Variants in KLF12 observed in about 807,000 individuals in gnomAD.
KLF12 encodes Krueppel-like factor 12.
In KLF12, 9 loss-of-function variants were observed where a neutral mutation model predicts 37.8. The ratio of observed to expected loss-of-function variants is 0.24; its 90% confidence interval spans 0.14 to 0.42. The LOEUF (loss-of-function observed/expected upper bound fraction) is 0.42, where lower values mean the gene tolerates loss of function less well. Ranked by LOEUF, KLF12 falls within the 10% of genes least tolerant of loss-of-function variation. The probability of loss-of-function intolerance (pLI) is 1.00; values close to 1 mark genes in which losing one functional copy is unlikely to be tolerated. For missense variants in KLF12, 411 were observed against 516.0 expected, an observed-to-expected ratio of 0.80 and a Z score of 1.97; for synonymous variants, 208 against 202.1, an observed-to-expected ratio of 1.03 and a Z score of -0.25.
the KLF12 span, among the ~76,000 whole-genome samples, chr13:74,266,138 T>A: frequency 1.3e-5 from 2 of 152,184 alleles, no homozygotes; most frequent in Non-Finnish European, 2.9e-5. Context: ...CAACTCTACC[T>A]GGCAGCCCAT....
At chr13:74,001,528 T>A (rs1892282131) in intron 1 of KLF12, among the ~76,000 whole-genome samples, 1 of 152,150 alleles carries the variant, frequency 6.6e-6, no homozygotes, top group African/African-American at 2.4e-5. Context: ...TATGACACAA[T>A]CAAGAAAAAA....
intron 3 of KLF12, among the ~76,000 whole-genome samples, chr13:73,936,812 C>T (rs546394316): frequency 6.6e-6 from 1 of 152,278 alleles, no homozygotes; most frequent in Non-Finnish European, 1.5e-5. Context: ...CTTATTTCAT[C>T]TGAGTTTCTA....
chr13:73,855,444 G>A (rs935530231), intron 3 of KLF12, among the ~76,000 whole-genome samples: 8 of 152,150 alleles, frequency 5.3e-5, no homozygotes, highest in African/African-American at 1.9e-4. Flanking sequence ...GTGTGTGGCT[G>A]CATAGTATTC....
intron 6 of KLF12, among the ~76,000 whole-genome samples, chr13:73,740,318 T>C (rs1877880384): frequency 6.6e-6 from 1 of 152,110 alleles, no homozygotes; most frequent in Non-Finnish European, 1.5e-5. Context: ...AGACACTGAA[T>C]CTTTAGGTAC....
the KLF12 span, among the ~76,000 whole-genome samples, chr13:74,301,861 C>T: frequency 2.6e-5 from 4 of 152,138 alleles, no homozygotes; most frequent in African/African-American, 4.8e-5. Flanking sequence ...GTTCCCCCTA[C>T]CTGAGCTGCC....
intron 1 of KLF12, among the ~76,000 whole-genome samples, chr13:74,073,519 G>T (rs1255819949): frequency 4.6e-5 from 7 of 152,124 alleles, no homozygotes; most frequent in African/African-American, 1.7e-4. Flanking sequence ...TTTGAGTTCA[G>T]CTGCACCAGC....
In KLF12 at chr13:73,788,748, TTAAG is replaced by T. The variant is rs541670121; in HGVS notation, c.807-23752_807-23749del. 3.4e-3 allele frequency among the ~76,000 whole-genome samples: 520 copies of T among 152,306 alleles called. 3 individuals are homozygous for T. The highest frequency in any genetic ancestry group is 6.1e-3 in the Non-Finnish European group (417 of 68,024). ...TCAATTTTATACATTAAATTTCAAA[TTAAG>T]TAAGTAGCTAGACAAACGGGACTCC... On this transcript the variant is annotated intron_variant, in intron 5 of 7. Transcript: ENST00000377669.
the KLF12 span, among the ~76,000 whole-genome samples, chr13:74,196,887 C>A: frequency 2.6e-5 from 4 of 152,040 alleles, no homozygotes; most frequent in African/African-American, 9.7e-5. Context: ...GTTTCTACAT[C>A]TTTTTTATTA....
chr13:74,259,537 A>G, the KLF12 span: 1 of 152,196 alleles, frequency 6.6e-6, no homozygotes, highest in African/African-American at 2.4e-5. Context: ...CACAGAAAAC[A>G]TAGTTAATCC....
intron 3 of KLF12, among the ~76,000 whole-genome samples, chr13:73,901,705 A>C (rs755526456): frequency 2.6e-5 from 4 of 152,208 alleles, no homozygotes; most frequent in Admixed American, 6.5e-5. Flanking sequence ...AAAGATCAGC[A>C]AAGAATTCTC....
chr13:74,261,983 C>T, the KLF12 span, among the ~76,000 whole-genome samples: 2 of 152,178 alleles, frequency 1.3e-5, no homozygotes, highest in African/African-American at 4.8e-5. Context: ...GCTGTGCTGT[C>T]CCGAGCTGAG....
chr13:73,725,154 GC>G (rs1876566445), intron 6 of KLF12, among the ~76,000 whole-genome samples: 1 of 152,126 alleles, frequency 6.6e-6, no homozygotes, highest in South Asian at 2.1e-4. Flanking sequence ...AAGCTGGAGT[GC>G]AGTGGTGCAA....
the KLF12 span, among the ~76,000 whole-genome samples, chr13:74,292,799 T>G: frequency 6.6e-6 from 1 of 152,202 alleles, no homozygotes; most frequent in Admixed American, 6.5e-5. Flanking sequence ...TGTTATGCTT[T>G]TCCATTGCCA....
intron 3 of KLF12, among the ~76,000 whole-genome samples, chr13:73,855,408 A>G (rs1178809986): frequency 6.6e-6 from 1 of 152,128 alleles, no homozygotes; most frequent in Non-Finnish European, 1.5e-5. Flanking sequence ...TGTTGCTACA[A>G]AGGCCATGAT....
At chr13:74,017,210 A>G (rs9600219) in intron 1 of KLF12, among the ~76,000 whole-genome samples, 18,530 of 142,988 alleles carry the variant, frequency 0.13, 1,277 homozygotes, top group African/African-American at 0.18. Flanking sequence ...ACTACACTTT[A>G]GTCAAAAAGT....
the KLF12 span, among the ~76,000 whole-genome samples, chr13:74,152,862 T>C: frequency 6.7e-6 from 1 of 149,372 alleles, no homozygotes; most frequent in African/African-American, 2.5e-5. Flanking sequence ...CCAGCCTGGG[T>C]GACAGAGTGA....
intron 4 of KLF12, among the ~76,000 whole-genome samples, chr13:73,839,056 T>G (rs1253150568): frequency 1.3e-5 from 2 of 151,980 alleles, no homozygotes; most frequent in Non-Finnish European, 2.9e-5. Context: ...TCCTTTTGTT[T>G]TTTTCTCCCC....
intron 1 of KLF12, among the ~76,000 whole-genome samples, chr13:74,103,538 A>G (rs1423890217): frequency 6.6e-6 from 1 of 152,178 alleles, no homozygotes; most frequent in Non-Finnish European, 1.5e-5. Flanking sequence ...AAAGTAGCCT[A>G]AGCACACCCC....
At chr13:74,138,057 G>GA (rs1224793302), upstream of KLF12, among the ~76,000 whole-genome samples, 1 of 152,174 alleles carries the variant, frequency 6.6e-6, no homozygotes, top group African/African-American at 2.4e-5. Flanking sequence ...CGCCCGGCCA[G>GA]AAAAATCTTT....
Sources: allele counts gnomAD v4.1 joint callset (sites outside exome capture counted in the v4.1 genomes callset), GRCh38; gene constraint gnomAD v4.1.1; transcripts MANE v1.5; gene names NCBI Gene and HGNC (gene_info 2026-07-23, HGNC 2026-07-21).